Variants in KCNJ6 observed in about 807,000 individuals in gnomAD.
KCNJ6 encodes the protein potassium inwardly rectifying channel subfamily J member 6.
In KCNJ6, 9 loss-of-function variants were observed where a neutral mutation model predicts 34.2. The ratio of observed to expected loss-of-function variants is 0.26; its 90% CI spans 0.16 to 0.46. The LOEUF is 0.46. Among genes scored for constraint, KCNJ6 ranks in the 20% least tolerant of loss-of-function variants. The pLI is 1.00. For synonymous variants in KCNJ6, 196 were observed against 207.1 expected (o/e 0.95, Z 0.46); for missense variants, 236 against 531.3 (o/e 0.44, Z 5.46).
chr21:37,818,693 T>C (rs968295538), intron 2 of KCNJ6, among the ~76,000 whole-genome samples: 2 of 152,350 alleles, frequency 1.3e-5, no homozygotes, highest in South Asian at 2.1e-4. Context: ...ACAATGATAC[T>C]TTTCGATTCA....
intron 2 of KCNJ6, among the ~76,000 whole-genome samples, chr21:37,729,625 C>T (rs1401611633): frequency 2.6e-5 from 4 of 152,230 alleles, no homozygotes; most frequent in Non-Finnish European, 4.4e-5. Context: ...TGCCCAGCCC[C>T]TGATTCTTCT....
rs564934719 is a variant in KCNJ6, at chr21:37,876,670, T to C, written c.-27-35961A>G. On this transcript the variant is annotated intron_variant, in intron 1 of 3. Transcript: ENST00000609713. ...TAAATTAAACACCTCATTTACAGCATTGCATGTCTTTAGGTTGAGAGTTGA... is the reference window on the plus strand; with the variant it reads ...TAAATTAAACACCTCATTTACAGCACTGCATGTCTTTAGGTTGAGAGTTGA... 1.3e-4 allele frequency among the ~76,000 whole-genome samples: 20 copies of C among 152,252 alleles called. No individual in the cohort carries two copies. The South Asian group carries it at 3.3e-3, about 25-fold the overall frequency.
chr21:37,912,101 T>A (rs761475213), intron 1 of KCNJ6, among the ~76,000 whole-genome samples: 12 of 152,144 alleles, frequency 7.9e-5, no homozygotes, highest in Non-Finnish European at 1.3e-4. Context: ...TTAGGCAATA[T>A]CTAGATGAGG....
In KCNJ6 at chr21:37,809,095, A is replaced by G. The variant is rs374268564; in HGVS notation, c.25+31563T>C. ...GCACACATATGTTTATTGCGGCACT[A>G]TTCACAATAGCAAAGGCTTGGAACC... On this transcript the variant is annotated intron_variant, in intron 2 of 3. Coordinates refer to ENST00000609713, the MANE Select transcript of KCNJ6 (RefSeq NM_002240.5). Among the ~76,000 whole-genome samples, 313 of 152,352 alleles carry G rather than the reference A, an allele frequency of 2.1e-3. 2 individuals carry two copies. The highest frequency in any genetic ancestry group is 7.1e-3 in the African/African-American group (295 of 41,574).
In KCNJ6 at chr21:37,621,930, T is replaced by C. The variant is rs2054291158; in HGVS notation, c.*3229A>G. Reference sequence around the variant, plus strand: ...AACAGAAATGATTTTATTGGTTCCATAAAGTTGATTTATAAATGAATGGGT... The same window carrying C: ...AACAGAAATGATTTTATTGGTTCCACAAAGTTGATTTATAAATGAATGGGT... On this transcript the variant is annotated 3_prime_UTR_variant, in exon 4 of 4. Transcript: ENST00000609713. 1 of 152,218 alleles carries C rather than the reference T, an allele frequency of 6.6e-6. No individual in the cohort carries two copies. Among genetic ancestry groups the C allele is most frequent in the Admixed American group, 6.5e-5 (1 of 15,290 alleles). The allele number at this position is 152,218 out of a possible 1,614,324, so 9.4% of individuals were successfully genotyped here.
chr21:37,830,369 T>C (rs761490750), intron 2 of KCNJ6, among the ~76,000 whole-genome samples: 2 of 152,180 alleles, frequency 1.3e-5, no homozygotes, highest in Non-Finnish European at 2.9e-5. Flanking sequence ...CTGGGTCTGT[T>C]TGGCCTTCCT....
intron 2 of KCNJ6, among the ~76,000 whole-genome samples, chr21:37,775,226 G>A (rs2055136515): frequency 6.6e-6 from 1 of 152,090 alleles, no homozygotes; most frequent in Admixed American, 6.6e-5. Flanking sequence ...ATTTGTTTGA[G>A]TTCTTTGTAG....
intron 2 of KCNJ6, among the ~76,000 whole-genome samples, chr21:37,743,240 T>C (rs549329458): frequency 9.3e-4 from 141 of 152,288 alleles, no homozygotes; most frequent in Middle Eastern, 3.4e-3. Context: ...ACCTGAGACA[T>C]AGTGGAGGCT....
At chr21:37,742,636 C>T (rs187669888) in intron 2 of KCNJ6, among the ~76,000 whole-genome samples, 2 of 152,318 alleles carry the variant, frequency 1.3e-5, no homozygotes, top group African/African-American at 4.8e-5. Context: ...CTCTACAAAG[C>T]GTTCTGTAGC....
intron 2 of KCNJ6, among the ~76,000 whole-genome samples, chr21:37,832,415 C>A (rs182618557): frequency 1.3e-5 from 2 of 151,976 alleles, no homozygotes; most frequent in South Asian, 4.2e-4. Context: ...CTTCCTCGGC[C>A]CTTAACTCCC....
intron 1 of KCNJ6, among the ~76,000 whole-genome samples, chr21:37,881,950 A>G (rs1462864561): frequency 1.3e-5 from 2 of 152,062 alleles, no homozygotes; most frequent in East Asian, 1.9e-4. Context: ...GTGACCAGAG[A>G]CTTGGGGGTC....
In KCNJ6 at chr21:37,798,409, T is replaced by G. The variant is rs140901911; in HGVS notation, c.25+42249A>C. Among the ~76,000 whole-genome samples, 3 of 152,322 alleles carry G rather than the reference T, an allele frequency of 2.0e-5. No homozygotes were observed. In the East Asian group the frequency reaches 5.8e-4, roughly 29 times the overall value. On this transcript the variant is annotated intron_variant, in intron 2 of 3. Transcript: ENST00000609713. ...CCTTAGGAAGGCTTTTGGGGAGCTG[T>G]GCATTTGAGTGCAGTTACCCTGTAG...
intron 1 of KCNJ6, among the ~76,000 whole-genome samples, chr21:37,890,990 T>G (rs560275319): frequency 6.6e-6 from 1 of 152,300 alleles, no homozygotes; most frequent in Non-Finnish European, 1.5e-5. Context: ...AGGTTATAAA[T>G]TCTGGAAATT....
At chr21:37,747,908 C>T (rs1354018902) in intron 2 of KCNJ6, among the ~76,000 whole-genome samples, 1 of 152,182 alleles carries the variant, frequency 6.6e-6, no homozygotes, top group Non-Finnish European at 1.5e-5. Flanking sequence ...GTAGTTTGTT[C>T]CAGCTGCATA....
chr21:37,871,409 C>T (rs2055651604), intron 1 of KCNJ6, among the ~76,000 whole-genome samples: 1 of 152,134 alleles, frequency 6.6e-6, no homozygotes, highest in South Asian at 2.1e-4. Context: ...GCAAGAAATG[C>T]AAGGCTGATA....
At chr21:37,880,269 GAACAA>G (rs2055701107) in intron 1 of KCNJ6, among the ~76,000 whole-genome samples, 2 of 152,122 alleles carry the variant, frequency 1.3e-5, no homozygotes, top group Admixed American at 1.3e-4. Flanking sequence ...TCTCAAAAAA[GAACAA>G]AATGTGCATT....
intron 2 of KCNJ6, among the ~76,000 whole-genome samples, chr21:37,774,323 C>T (rs760332910): frequency 1.7e-4 from 26 of 151,790 alleles, no homozygotes; most frequent in Non-Finnish European, 3.1e-4. Flanking sequence ...GCAGCTTGTC[C>T]CTATGCAGGG....
intron 3 of KCNJ6, among the ~76,000 whole-genome samples, chr21:37,651,475 AGAGCAAGGAG>A (rs2054433251): frequency 6.6e-6 from 1 of 152,196 alleles, no homozygotes; most frequent in Non-Finnish European, 1.5e-5. Context: ...GAACAAACCG[AGAGCAAGGAG>A]GAGCCTTCCC....
At chr21:37,903,399 C>A (rs2055826026) in intron 1 of KCNJ6, among the ~76,000 whole-genome samples, 1 of 152,186 alleles carries the variant, frequency 6.6e-6, no homozygotes, top group African/African-American at 2.4e-5. Context: ...GCCTCCCCAG[C>A]CATATGCAAC....
Sources: allele counts gnomAD v4.1 joint callset (sites outside exome capture counted in the v4.1 genomes callset), GRCh38; gene constraint gnomAD v4.1.1; transcripts MANE v1.5; gene names NCBI Gene and HGNC (gene_info 2026-07-23, HGNC 2026-07-21).